Variants in CDC42BPA observed in about 807,000 individuals in gnomAD.
CDC42BPA encodes the protein serine/threonine-protein kinase MRCK alpha.
In CDC42BPA, 80 loss-of-function variants were observed where a neutral mutation model predicts 223.5. The ratio of observed to expected loss-of-function variants is 0.36; its 90% CI spans 0.30 to 0.43. CDC42BPA has a LOEUF of 0.43. Among genes scored for constraint, CDC42BPA ranks in the 20% least tolerant of loss-of-function variants. CDC42BPA has a pLI of 1.00. For missense variants in CDC42BPA, 1,743 were observed against 2,099.9 expected (o/e 0.83, Z 3.32); for synonymous variants, 694 against 718.6 (o/e 0.97, Z 0.55).
At chr1:227,072,984 A>G (rs890570515) in intron 19 of CDC42BPA, among the ~76,000 whole-genome samples, 16 of 152,252 alleles carry the variant, frequency 1.1e-4, no homozygotes, top group Non-Finnish European at 2.1e-4. Context: ...TTTATAGCAA[A>G]AAGCTTATAA....
At chr1:227,029,692 G>A (rs1668901027) in intron 29 of CDC42BPA, among the ~76,000 whole-genome samples, 1 of 152,066 alleles carries the variant, frequency 6.6e-6, no homozygotes, top group African/African-American at 2.4e-5. Flanking sequence ...AAGTTATATT[G>A]GTTTCTCTTT....
intron 1 of CDC42BPA, among the ~76,000 whole-genome samples, chr1:227,270,640 T>C (rs1332718430): frequency 6.6e-6 from 1 of 152,192 alleles, no homozygotes; most frequent in Non-Finnish European, 1.5e-5. Flanking sequence ...GTAGCTTTAG[T>C]TACATTCATA....
At chr1:227,105,788 T>C (rs1685822301) in intron 14 of CDC42BPA, among the ~76,000 whole-genome samples, 1 of 152,216 alleles carries the variant, frequency 6.6e-6, no homozygotes, top group Non-Finnish European at 1.5e-5. Flanking sequence ...TCATTCCTTT[T>C]CATAGATAAA....
intron 16 of CDC42BPA, among the ~76,000 whole-genome samples, chr1:227,083,185 G>T (rs1030061366): frequency 6.6e-6 from 1 of 152,002 alleles, no homozygotes. Flanking sequence ...CCAATTATTT[G>T]TATGTTAGAA....
intron 16 of CDC42BPA, 139 bp downstream of exon 16, chr1:227,091,747 A>G (rs1479100242): frequency 5.9e-6 from 3 of 511,832 alleles, no homozygotes; most frequent in East Asian, 3.2e-5. Context: ...AGAATTGCAT[A>G]TATCATAGAA....
chr1:227,137,045 TAA>T (rs895576175), intron 10 of CDC42BPA, among the ~76,000 whole-genome samples: 11 of 151,956 alleles, frequency 7.2e-5, no homozygotes, highest in South Asian at 2.1e-4. Flanking sequence ...AACAATGGAG[TAA>T]AAGTGTATTA....
chr1:227,151,170 C>A (rs893146999), intron 6 of CDC42BPA, among the ~76,000 whole-genome samples: 3 of 152,090 alleles, frequency 2.0e-5, no homozygotes, highest in Non-Finnish European at 4.4e-5. Flanking sequence ...TTCCCCTTCC[C>A]CTAGACCCTG....
At chr1:227,237,109 T>G (rs1235671701) in intron 2 of CDC42BPA, among the ~76,000 whole-genome samples, 1 of 151,790 alleles carries the variant, frequency 6.6e-6, no homozygotes. Flanking sequence ...CATGTCAGGT[T>G]TTAGAATCAA....
intron 6 of CDC42BPA, among the ~76,000 whole-genome samples, chr1:227,159,649 T>TA (rs35278555): frequency 3.4e-4 from 50 of 149,028 alleles, no homozygotes; most frequent in East Asian, 1.6e-3. Context: ...AAAATGAAGT[T>TA]AAAAAAAAAA....
At chr1:227,041,498 A>C (rs1360996370) in intron 23 of CDC42BPA, among the ~76,000 whole-genome samples, 1 of 152,228 alleles carries the variant, frequency 6.6e-6, no homozygotes, top group Non-Finnish European at 1.5e-5. Context: ...ATTTCAGTAG[A>C]CACTAACATA....
intron 1 of CDC42BPA, among the ~76,000 whole-genome samples, chr1:227,278,428 A>G (rs555999185): frequency 1.3e-5 from 2 of 152,368 alleles, no homozygotes; most frequent in East Asian, 3.9e-4. Flanking sequence ...AAATGACAAA[A>G]GTAAGACTTG....
chr1:227,034,363 A>G (rs1047149868), intron 26 of CDC42BPA, among the ~76,000 whole-genome samples: 1 of 152,100 alleles, frequency 6.6e-6, no homozygotes, highest in Non-Finnish European at 1.5e-5. Context: ...AGGTGATGTG[A>G]TAATATAAAC....
intron 5 of CDC42BPA, among the ~76,000 whole-genome samples, chr1:227,176,263 T>C (rs938580985): frequency 6.6e-6 from 1 of 152,166 alleles, no homozygotes; most frequent in African/African-American, 2.4e-5. Flanking sequence ...CACAATGATA[T>C]CTTCAATTCA....
rs1302291274 is a variant in CDC42BPA at position 227,168,497 on chromosome 1, G to GTGTTTTGTTTTTTTTTTTTTT, written c.600-7862_600-7861insAAAAAAAAAAAAAACAAAACA. Among the ~76,000 whole-genome samples, 11 of 80,196 alleles carry GTGTTTTGTTTTTTTTTTTTTT rather than the reference G, an allele frequency of 1.4e-4. 1 individual carries two copies. The highest frequency in any genetic ancestry group is 1.5e-4 in the Admixed American group (1 of 6,516). The allele number at this position is 80,196 out of a possible 152,430, so 52.6% of individuals were successfully genotyped here. On this transcript the variant is annotated intron_variant, in intron 5 of 36. Coordinates refer to ENST00000366766, the MANE Select transcript of CDC42BPA (RefSeq NM_001394014.1). Reference sequence around the variant, plus strand: ...CTTTTTCATATTTATCTTCCCTGGTGTTTTTTTTTTTTTTTTGAGGCAGAG... The same window carrying GTGTTTTGTTTTTTTTTTTTTT: ...CTTTTTCATATTTATCTTCCCTGGTGTGTTTTGTTTTTTTTTTTTTTTTTTTTTTTTTTTTTTGAGGCAGAG...
In CDC42BPA at chr1:227,060,831, C is replaced by T. The variant is rs112788377; in HGVS notation, c.2905-8846G>A. On this transcript the variant is annotated intron_variant, in intron 21 of 36. Transcript: ENST00000366766. ...CTACCTCCCAGGTTCAAGTGATTCT[C>T]CTCCCTCAGACTCCCGAGTAGCTGT... Among the ~76,000 whole-genome samples, 1,382 of 148,348 alleles carry T rather than the reference C, an allele frequency of 9.3e-3. 24 individuals are homozygous for T. Among genetic ancestry groups the T allele is most frequent in the African/African-American group, 0.033 (1,319 of 40,278 alleles).
intron 2 of CDC42BPA, among the ~76,000 whole-genome samples, chr1:227,222,204 T>A (rs1235043013): frequency 1.4e-5 from 2 of 144,002 alleles, no homozygotes; most frequent in African/African-American, 5.2e-5. Context: ...GGTGACAGAA[T>A]GAGACCTTGT....
intron 10 of CDC42BPA, among the ~76,000 whole-genome samples, chr1:227,138,030 A>G (rs1658948196): frequency 6.6e-6 from 1 of 152,178 alleles, no homozygotes; most frequent in African/African-American, 2.4e-5. Context: ...CACAGGAAAA[A>G]AAAGAAACAG....
intron 21 of CDC42BPA, among the ~76,000 whole-genome samples, chr1:227,068,107 T>G (rs1189416224): frequency 6.6e-6 from 1 of 151,892 alleles, no homozygotes; most frequent in Non-Finnish European, 1.5e-5. Flanking sequence ...TAAAATCACT[T>G]TGCACATTAG....
chr1:227,159,100 G>C (rs1444348742), intron 6 of CDC42BPA, among the ~76,000 whole-genome samples: 1 of 152,156 alleles, frequency 6.6e-6, no homozygotes, highest in Non-Finnish European at 1.5e-5. Context: ...CTTACAGTGG[G>C]AGTGCTAATT....
Sources: gnomAD v4.1 joint callset for allele counts (sites outside exome capture counted in the v4.1 genomes callset) on GRCh38, gnomAD v4.1.1 for gene constraint, MANE v1.5 for transcripts, NCBI Gene and HGNC (gene_info 2026-07-23, HGNC 2026-07-21) for gene names.